SLCO1B3: variants seen among roughly 807,000 people sequenced by gnomAD.
The protein encoded by SLCO1B3 is solute carrier organic anion transporter family member 1B3.
Under a neutral mutation model 71.8 loss-of-function variants are expected in SLCO1B3, and 72 were observed. The observed-to-expected ratio is 1.00, with a 90% CI of 0.83 to 1.22. The LOEUF (loss-of-function observed/expected upper bound fraction) is 1.22. SLCO1B3 is among the 50% of genes most tolerant of loss of function. The pLI, the probability that SLCO1B3 is intolerant of heterozygous loss-of-function variation, is 0.00. For missense variants in SLCO1B3, 911 were observed against 819.7 expected, an observed-to-expected ratio of 1.11 and a Z score of -1.36; for synonymous variants, 298 against 278.4, an observed-to-expected ratio of 1.07 and a Z score of -0.70.
At chr12:20,814,739 C>A (rs2417947) in intron 2 of SLCO1B3, among the ~76,000 whole-genome samples, 146,091 of 151,864 alleles carry the variant, frequency 0.96, 70,522 homozygotes, top group East Asian at 1. Context: ...AAATACAAAA[C>A]AATTAGCCGG....
chr12:20,840,260 A>G (rs1370499268), intron 3 of SLCO1B3, among the ~76,000 whole-genome samples: 2 of 152,160 alleles, frequency 1.3e-5, no homozygotes, highest in East Asian at 1.9e-4. Flanking sequence ...AAAACCTGCT[A>G]TACATGTGCC....
At chr12:20,869,310 G>A (rs906581587) in intron 8 of SLCO1B3, among the ~76,000 whole-genome samples, 11 of 152,268 alleles carry the variant, frequency 7.2e-5, no homozygotes, top group East Asian at 3.9e-4. Flanking sequence ...CAGAAGGCTC[G>A]CACTCTTGTC....
intron 3 of SLCO1B3, among the ~76,000 whole-genome samples, chr12:20,846,729 G>A (rs2033514): frequency 0.72 from 110,110 of 152,006 alleles, 42,465 homozygotes; most frequent in South Asian, 0.9. Flanking sequence ...AAGGACACAA[G>A]GGAGAGTTAT....
At chr12:20,828,661 A>T (rs1424748276) in intron 3 of SLCO1B3, among the ~76,000 whole-genome samples, 2 of 152,042 alleles carry the variant, frequency 1.3e-5, no homozygotes, top group East Asian at 1.9e-4. Context: ...ACACACACAC[A>T]CACACTCACA....
chr12:20,814,734 C>CA (rs1443108708), intron 2 of SLCO1B3, among the ~76,000 whole-genome samples: 2 of 151,798 alleles, frequency 1.3e-5, no homozygotes, highest in African/African-American at 4.8e-5. Flanking sequence ...ACTAAAAATA[C>CA]AAAACAATTA....
chr12:20,895,637 C>T (rs769000063), intron 13 of SLCO1B3, among the ~76,000 whole-genome samples: 3 of 152,044 alleles, frequency 2.0e-5, no homozygotes, highest in South Asian at 2.1e-4. Context: ...CTCGGGTTGG[C>T]GTTGAGAGTC....
chr12:20,860,849 C>A (rs1865247458), intron 5 of SLCO1B3, among the ~76,000 whole-genome samples, 168 bp from the exon 6 acceptor site: 1 of 152,052 alleles, frequency 6.6e-6, no homozygotes, highest in Non-Finnish European at 1.5e-5. Context: ...CATTTCACCC[C>A]CTCTCATCAC....
intron 3 of SLCO1B3, among the ~76,000 whole-genome samples, chr12:20,841,242 C>G (rs908461199): frequency 5.3e-5 from 8 of 152,184 alleles, no homozygotes; most frequent in Admixed American, 3.9e-4. Context: ...ATCCAAGAAT[C>G]ATTGCTTTTT....
At chr12:20,832,609 A>G (rs1864568494) in intron 3 of SLCO1B3, among the ~76,000 whole-genome samples, 1 of 152,038 alleles carries the variant, frequency 6.6e-6, no homozygotes, top group Non-Finnish European at 1.5e-5. Context: ...CATATCCCAC[A>G]GGTTTTATTC....
chr12:20,879,720 G>T, intron 11 of SLCO1B3, 89 bp downstream of exon 11: 1 of 833,348 alleles, frequency 1.2e-6, no homozygotes, highest in Non-Finnish European at 1.8e-6. Context: ...GAAAACAATT[G>T]TAATTAAACT....
intron 3 of SLCO1B3, among the ~76,000 whole-genome samples, chr12:20,834,892 T>G (rs1044395126): frequency 6.6e-6 from 1 of 152,096 alleles, no homozygotes; most frequent in African/African-American, 2.4e-5. Flanking sequence ...TTGTGGGAGC[T>G]CTCGCCCCAC....
intron 15 of SLCO1B3, among the ~76,000 whole-genome samples, chr12:20,904,868 G>A (rs1866208982): frequency 7.3e-6 from 1 of 137,926 alleles, no homozygotes; most frequent in Admixed American, 8.2e-5. Flanking sequence ...CCGCCTCCTG[G>A]GTTCAATCAA....
At chr12:20,896,163 C>A (rs1866003021) in intron 13 of SLCO1B3, among the ~76,000 whole-genome samples, 1 of 152,116 alleles carries the variant, frequency 6.6e-6, no homozygotes, top group Non-Finnish European at 1.5e-5. Flanking sequence ...AGACTTCTCA[C>A]ATGTCCTAAA....
At chr12:20,861,660 C>T (rs1865267730) in intron 6 of SLCO1B3, among the ~76,000 whole-genome samples, 1 of 151,940 alleles carries the variant, frequency 6.6e-6, no homozygotes, top group Non-Finnish European at 1.5e-5. Flanking sequence ...AATGTTATAG[C>T]ATTTGAAGAC....
At chr12:20,812,963 G>A (rs935932409) in intron 1 of SLCO1B3, among the ~76,000 whole-genome samples, 19 of 152,076 alleles carry the variant, frequency 1.2e-4, no homozygotes, top group Non-Finnish European at 2.4e-4. Context: ...TGGAAAAAGT[G>A]GTGTAAATTT....
chr12:20,903,754 C>T (rs2120400203), intron 15 of SLCO1B3, among the ~76,000 whole-genome samples: 1 of 152,244 alleles, frequency 6.6e-6, no homozygotes, highest in East Asian at 1.9e-4. Context: ...AGACACAAAC[C>T]CAAACCATAT....
intron 3 of SLCO1B3, among the ~76,000 whole-genome samples, chr12:20,831,609 G>A (rs1032977108): frequency 6.6e-6 from 1 of 152,126 alleles, no homozygotes; most frequent in African/African-American, 2.4e-5. Flanking sequence ...GAACAAAAAT[G>A]TAATGCGATA....
intron 2 of SLCO1B3, 119 bp from the exon 3 acceptor site, chr12:20,815,555 C>G: frequency 2.0e-6 from 1 of 490,790 alleles, no homozygotes; most frequent in East Asian, 3.4e-5. Flanking sequence ...CAGGAAATAG[C>G]AGGCCCTGAA....
intron 3 of SLCO1B3, among the ~76,000 whole-genome samples, chr12:20,828,213 G>T (rs1328280305): frequency 6.6e-6 from 1 of 150,896 alleles, no homozygotes; most frequent in African/African-American, 2.5e-5. Flanking sequence ...GGTGCACTTG[G>T]CTACAAAGAC....
Sources: gnomAD v4.1 joint callset for allele counts (sites outside exome capture counted in the v4.1 genomes callset) on GRCh38, gnomAD v4.1.1 for gene constraint, MANE v1.5 for transcripts, NCBI Gene and HGNC (gene_info 2026-07-23, HGNC 2026-07-21) for gene names.